Variants in TKFC observed in about 807,000 individuals in gnomAD.
The protein encoded by TKFC is triokinase/FMN cyclase.
Under a neutral mutation model 61.0 loss-of-function variants are expected in TKFC, and 46 were observed. The ratio of observed to expected loss-of-function variants is 0.75; its 90% CI spans 0.60 to 0.96. The LOEUF (loss-of-function observed/expected upper bound fraction) is 0.96, where lower values mean the gene tolerates loss of function less well. TKFC is among the 50% of genes least tolerant of loss of function. The pLI, the probability that TKFC is intolerant of heterozygous loss-of-function variation, is 0.00. For synonymous variants in TKFC, 314 were observed against 330.1 expected (o/e 0.95, Z 0.53); for missense variants, 715 against 777.5 (o/e 0.92, Z 0.96).
downstream of TKFC, chr11:61,351,196 T>G: frequency 6.4e-7 from 1 of 1,551,610 alleles, no homozygotes; most frequent in South Asian, 1.2e-5. Context: ...TTCCACCTAT[T>G]TTTGTCTAGT....
intron 5 of TKFC, 44 bp downstream of exon 5, chr11:61,339,479 G>A: frequency 6.4e-7 from 1 of 1,551,076 alleles, no homozygotes. Context: ...GCCCTTTCCA[G>A]CCTTCCCTTG....
chr11:61,343,634 T>C, intron 11 of TKFC, 176 bp downstream of exon 11: 1 of 854,472 alleles, frequency 1.2e-6, no homozygotes, highest in Admixed American at 2.5e-5. Flanking sequence ...TAGAAGGAGT[T>C]GGTATTAGGA....
chr11:61,353,022 C>A (rs761211994), downstream of TKFC: 3 of 1,614,124 alleles, frequency 1.9e-6, no homozygotes, highest in Non-Finnish European at 2.5e-6. Context: ...CCCGAAATGA[C>A]GGATGCGATG....
rs898987554 is a variant in TKFC, at chr11:61,347,115, G to A, written c.*612G>A. ...CCCCTTTCCAGTACACACACCTGAT[G>A]CATGTAAGAATGGTAGAGGGGCTTT... On this transcript the variant is annotated 3_prime_UTR_variant, in exon 18 of 18. Coordinates refer to ENST00000394900, the MANE Select transcript of TKFC (RefSeq NM_015533.4). The A allele has an allele frequency of 2.0e-6, 2 of 985,358 alleles. No homozygotes were observed. The highest frequency in any genetic ancestry group is 3.5e-5 in the African/African-American group (2 of 57,202). The allele number at this position is 985,358 out of a possible 1,614,324, so 61.0% of individuals were successfully genotyped here. A position where few individuals can be genotyped will look rare whatever the true frequency, so the allele number is the denominator to read the frequency against.
rs977475509 is a variant in TKFC at position 61,342,571 on chromosome 11, C to T, written c.691-3C>T. 6.2e-7 allele frequency: 1 copy of T among 1,613,850 alleles called. No individual in the cohort carries two copies. The highest frequency in any genetic ancestry group is 1.7e-5 in the Admixed American group (1 of 60,004). ...GCAGCTCATTCCTGGCTCCCTCTGACAGATGGCAACCGCCGATGAGATTGT... is the reference window on the plus strand; with the variant it reads ...GCAGCTCATTCCTGGCTCCCTCTGATAGATGGCAACCGCCGATGAGATTGT... On this transcript the variant is annotated splice_polypyrimidine_tract_variant and splice_region_variant and intron_variant, in intron 8 of 17. Transcript: ENST00000394900.
Position 61,343,374 on chromosome 11 carries a change from G to C in TKFC, c.898G>C (p.Val300Leu), listed in dbSNP as rs1442850011. 4 of 1,614,094 alleles carry C rather than the reference G, an allele frequency of 2.5e-6. No homozygotes were observed. In the African/African-American group the frequency reaches 5.3e-5, roughly 22 times the overall value. ...GRGVKIARAL[V>L]GTFMSALEMP... Reference sequence around the variant, plus strand: ...CGGGGTGAAGATTGCCCGTGCCCTGGTGGGCACCTTCATGTCAGCACTGGA... The same window carrying C: ...CGGGGTGAAGATTGCCCGTGCCCTGCTGGGCACCTTCATGTCAGCACTGGA... The change falls in exon 11 of 18, where the codon GTG becomes CTG. Residue 300 changes from valine (V) to leucine (L), a missense_variant. Physicochemically the swap from Val to Leu is conservative, Grantham distance 32 (BLOSUM62 1). Coordinates refer to ENST00000394900, the MANE Select transcript of TKFC (RefSeq NM_015533.4).
At chr11:61,337,064 G>A (rs939793001) in intron 2 of TKFC, among the ~76,000 whole-genome samples, 14 of 152,134 alleles carry the variant, frequency 9.2e-5, no homozygotes, top group African/African-American at 3.1e-4. Context: ...CATGGTGCAC[G>A]TGCGCTCCTC....
chr11:61,343,242 C>T (rs1270149764), intron 10 of TKFC, 100 bp from the exon 11 acceptor site: 23 of 1,107,986 alleles, frequency 2.1e-5, no homozygotes, highest in Middle Eastern at 4.3e-4. Flanking sequence ...ATCTCCCTCC[C>T]GACCTCAGAG....
At chr11:61,337,515 C>T (rs1856660599) in intron 2 of TKFC, among the ~76,000 whole-genome samples, 1 of 152,212 alleles carries the variant, frequency 6.6e-6, no homozygotes, top group African/African-American at 2.4e-5. Flanking sequence ...GTTTGCCCCG[C>T]GTTGGAGCAC....
intron 13 of TKFC, 77 bp from the exon 14 acceptor site, chr11:61,345,183 C>A: frequency 7.8e-7 from 1 of 1,282,554 alleles, no homozygotes; most frequent in Non-Finnish European, 1.1e-6. Flanking sequence ...CTTTTCCAGC[C>A]TTCATTGGTG....
Position 61,347,474 on chromosome 11 carries a change from G to A in TKFC, c.*971G>A. On this transcript the variant is annotated 3_prime_UTR_variant, in exon 18 of 18. Transcript: ENST00000394900. ...GGATGGCTTGGGCCCAGGAGGTCGA[G>A]GCTGCGGTGAGCCATAAGCATGCCA... 1.0e-6 allele frequency: 1 copy of A among 980,728 alleles called. No homozygotes were observed. The highest frequency in any genetic ancestry group is 1.2e-6 in the Non-Finnish European group (1 of 826,024). 60.8% of individuals were successfully genotyped at this position (980,728 alleles called of 1,614,324 possible).
Position 61,339,338 on chromosome 11 carries a change from TC to T in TKFC, c.392del (p.Pro131ArgfsTer6), listed in dbSNP as rs756957642. 156 of 1,613,686 alleles carry T rather than the reference TC, an allele frequency of 9.7e-5. 1 individual carries two copies. The highest frequency in any genetic ancestry group is 1.2e-4 in the Non-Finnish European group (140 of 1,180,020). The stretch of plus-strand genomic sequence containing the variant: ...CGGGAGCAGGCCCGGGCTGAAGGCA[TC>T]CCGGTGGAGATGGTGGTGATTGGGG... ...LAREQARAEG[I>X]PVEMVVIGDD... is the part of the protein sequence containing the mutation. On this transcript the variant is annotated frameshift_variant, in exon 5 of 18. Transcript: ENST00000394900.
downstream of TKFC, chr11:61,349,691 A>C: frequency 1.4e-6 from 1 of 701,978 alleles, no homozygotes; most frequent in Non-Finnish European, 2.6e-6. Context: ...GACACAGAGC[A>C]GCAATACGAA....
rs144455681 is a variant in TKFC, at chr11:61,339,100, C to T, written c.228C>T (p.Ile76=). ...GGAAGGGGATGCTGACTGGGGTCAT[C>T]GCGGGAGCTGTGTTCACCTCCCCGG... ...FIGKGMLTGV[I]AGAVFTSPAV... is the part of the protein sequence containing the mutation. The change falls in exon 4 of 18, where the codon ATC becomes ATT. Residue 76 remains isoleucine, a synonymous_variant. Coordinates refer to ENST00000394900, the MANE Select transcript of TKFC (RefSeq NM_015533.4). The T allele has an allele frequency of 6.8e-5, 110 of 1,613,662 alleles. No homozygotes were observed. Among genetic ancestry groups the T allele is most frequent in the East Asian group, 1.8e-4 (8 of 44,878 alleles).
At chr11:61,343,068 G>A (rs1418343442) in intron 10 of TKFC, 1 of 617,548 alleles carries the variant, frequency 1.6e-6, no homozygotes, top group African/African-American at 1.8e-5. Flanking sequence ...AGGATTAAGT[G>A]AGATTAAACA....
At chr11:61,352,295 T>G (rs1166413893), downstream of TKFC, 1 of 110,712 alleles carries the variant, frequency 9.0e-6, no homozygotes, top group Non-Finnish European at 2.0e-5. Context: ...ACGTAACCCC[T>G]CTGTTCCCTC....
Position 61,342,649 on chromosome 11 carries a change from GT to G in TKFC, c.767del (p.Val256GlyfsTer8). 2 of 1,614,050 alleles carry G rather than the reference GT, an allele frequency of 1.2e-6. No individual in the cohort carries two copies. Among genetic ancestry groups the G allele is most frequent in the Non-Finnish European group, 1.7e-6 (2 of 1,180,024 alleles). On this transcript the variant is annotated frameshift_variant, in exon 9 of 18. Transcript: ENST00000394900. LOFTEE classifies it high-confidence loss of function. ...TNTTNASHVP[V>X]QPGSSVVMMV... ...CACCACCAACGCGTCCCATGTGCCT[GT>G]GCAGCCCGGTGGGTAGCCTCTCGCC... is the stretch of plus-strand genomic sequence containing the variant.
downstream of TKFC, chr11:61,351,399 C>T (rs568773921): frequency 2.7e-4 from 72 of 271,374 alleles, no homozygotes; most frequent in African/African-American, 1.5e-3. Context: ...ACGCCATTCT[C>T]CTGCCTCAGC....
In TKFC at chr11:61,341,522, C is replaced by T. The variant is rs1372873732; in HGVS notation, c.565+8C>T. 3 of 1,553,862 alleles carry T rather than the reference C, an allele frequency of 1.9e-6. No homozygotes were observed. The highest frequency in any genetic ancestry group is 2.6e-6 in the Non-Finnish European group (3 of 1,148,156). ...TGGTCGCCAAGGCCATGGGTGAGTGCTGGCCTGGGAGCTGGGGAAGAGAGT... is the reference window on the plus strand; with the variant it reads ...TGGTCGCCAAGGCCATGGGTGAGTGTTGGCCTGGGAGCTGGGGAAGAGAGT... On this transcript the variant is annotated splice_region_variant and intron_variant, in intron 6 of 17. Coordinates refer to ENST00000394900, the MANE Select transcript of TKFC (RefSeq NM_015533.4).
Sources: gnomAD v4.1 joint callset for allele counts (sites outside exome capture counted in the v4.1 genomes callset) on GRCh38, gnomAD v4.1.1 for gene constraint, MANE v1.5 for transcripts, NCBI Gene and HGNC (gene_info 2026-07-23, HGNC 2026-07-21) for gene names.